The following WDR7 variants were observed in gnomAD, a reference collection of about 807,000 sequenced individuals.
WDR7 encodes WD repeat domain 7, also known as WD repeat-containing protein 7.
In WDR7, 46 loss-of-function variants were observed where a neutral mutation model predicts 169.4. The observed-to-expected ratio is 0.27, with a 90% CI of 0.21 to 0.35. The LOEUF is 0.35. WDR7 is among the 10% of genes least tolerant of loss of function. WDR7 has a pLI of 1.00. For synonymous variants in WDR7, 612 were observed against 666.8 expected (o/e 0.92, Z 1.27); for missense variants, 1,534 against 1,859.3 (o/e 0.83, Z 3.22).
rs779232330 is a variant in WDR7, at chr18:56,756,839, C to T, written c.2246C>T (p.Thr749Met). ...AAVLFQQVKE[T>M]IKENIKEHLL... ...GTTCTCTTCCAACAAGTGAAAGAAACGATCAAAGAGAACATCAAGGAACAC... is the reference window on the plus strand; with the variant it reads ...GTTCTCTTCCAACAAGTGAAAGAAATGATCAAAGAGAACATCAAGGAACAC... Residue 749 changes from threonine to methionine, a missense_variant, in exon 15 of 28, where the codon ACG (threonine) becomes ATG (methionine). Coordinates refer to ENST00000254442, the MANE Select transcript of WDR7 (RefSeq NM_015285.3). The T allele has an allele frequency of 1.9e-6, 3 of 1,613,624 alleles. No individual in the cohort carries two copies. The highest frequency in any genetic ancestry group is 8.5e-7 in the Non-Finnish European group (1 of 1,179,980).
At chr18:56,852,823 A>G (rs1568231545) in intron 20 of WDR7, among the ~76,000 whole-genome samples, 1 of 152,204 alleles carries the variant, frequency 6.6e-6, no homozygotes, top group African/African-American at 2.4e-5. Context: ...AAATATATAC[A>G]TACTTACTGA....
At chr18:56,858,077 C>T (rs2045750186) in intron 20 of WDR7, among the ~76,000 whole-genome samples, 1 of 152,158 alleles carries the variant, frequency 6.6e-6, no homozygotes, top group Admixed American at 6.5e-5. Flanking sequence ...TGCTGAGCTC[C>T]AGGCTTTTAC....
rs192432224 is a variant in WDR7, at chr18:56,933,134, C to G, written c.3714-2654C>G. Among the ~76,000 whole-genome samples the G allele has an allele frequency of 2.4e-3, 363 of 152,274 alleles. 2 individuals carry two copies. Among genetic ancestry groups the G allele is most frequent in the African/African-American group, 8.2e-3 (340 of 41,550 alleles). ...TTGTCCTGCAGAAGCCAGACCCTTT[C>G]TCTTAGCACCTAGGGAGAAGTATAT... On this transcript the variant is annotated intron_variant, in intron 22 of 27. Coordinates refer to ENST00000254442, the MANE Select transcript of WDR7 (RefSeq NM_015285.3).
rs145370571 is a variant in WDR7 at position 56,817,500 on chromosome 18, T to A, written c.3304+1356T>A. ...ACAAAGTGTATATTTAAAATACCTA[T>A]AGCCTTGTGCCACTGCTGCCTAATA... On this transcript the variant is annotated intron_variant, in intron 20 of 27. Transcript: ENST00000254442. Among the ~76,000 whole-genome samples, 688 of 152,282 alleles carry A rather than the reference T, an allele frequency of 4.5e-3. 12 individuals are homozygous for A. The highest frequency in any genetic ancestry group is 0.016 in the African/African-American group (657 of 41,570).
chr18:57,004,152 G>A lies in WDR7; in HGVS notation c.4165-16593G>A, dbSNP rs557432225. ...TCTACCTGAGGTTATGGGTGTAGGAGGAGGTAAATGAATGTCTCCCTGATT... is the reference window on the plus strand; with the variant it reads ...TCTACCTGAGGTTATGGGTGTAGGAAGAGGTAAATGAATGTCTCCCTGATT... On this transcript the variant is annotated intron_variant, in intron 26 of 27. Transcript: ENST00000254442. 2.4e-4 allele frequency among the ~76,000 whole-genome samples: 36 copies of A among 152,118 alleles called. No individual in the cohort carries two copies. The South Asian group carries it at 4.2e-3, about 18-fold the overall frequency.
chr18:56,956,585 G>A lies in WDR7; in HGVS notation c.4065-5845G>A, dbSNP rs564653274. ...AGGTTGAGGTAGTTGGTTGTCACTGGTACCTTCTTGGGGTCAAAGTGACAT... is the reference window on the plus strand; with the variant it reads ...AGGTTGAGGTAGTTGGTTGTCACTGATACCTTCTTGGGGTCAAAGTGACAT... On this transcript the variant is annotated intron_variant, in intron 25 of 27. Coordinates refer to ENST00000254442, the MANE Select transcript of WDR7 (RefSeq NM_015285.3). Among the ~76,000 whole-genome samples the A allele has an allele frequency of 2.6e-5, 4 of 152,054 alleles. No homozygotes were observed. The East Asian group carries it at 7.7e-4, about 29-fold the overall frequency.
At chr18:56,751,805 A>G (rs1372830440) in intron 14 of WDR7, among the ~76,000 whole-genome samples, 1 of 152,232 alleles carries the variant, frequency 6.6e-6, no homozygotes, top group Non-Finnish European at 1.5e-5. Flanking sequence ...GACATTACTC[A>G]TTCAGCATTT....
chr18:56,948,291 C>T (rs1165523009), intron 25 of WDR7, among the ~76,000 whole-genome samples: 1 of 152,066 alleles, frequency 6.6e-6, no homozygotes, highest in East Asian at 1.9e-4. Flanking sequence ...TCCCAGCATT[C>T]CCAGATAGGT....
At chr18:56,685,531 T>A (rs1370039625) in intron 5 of WDR7, among the ~76,000 whole-genome samples, 2 of 151,982 alleles carry the variant, frequency 1.3e-5, no homozygotes, top group East Asian at 3.9e-4. Flanking sequence ...GGGGAGGGTG[T>A]AATGTGCAAT....
intron 5 of WDR7, among the ~76,000 whole-genome samples, chr18:56,684,985 A>G (rs182508072): frequency 6.6e-6 from 1 of 152,180 alleles, no homozygotes; most frequent in Admixed American, 6.5e-5. Flanking sequence ...ACAGATCTGT[A>G]TTTGTGACCA....
chr18:56,653,535 C>A (rs190057221), intron 1 of WDR7, among the ~76,000 whole-genome samples: 1 of 152,124 alleles, frequency 6.6e-6, no homozygotes, highest in Admixed American at 6.5e-5. Flanking sequence ...TTCTAATTCC[C>A]GCTGTTTTCT....
intron 20 of WDR7, among the ~76,000 whole-genome samples, chr18:56,862,439 C>T (rs1017841515): frequency 6.6e-6 from 1 of 151,382 alleles, no homozygotes; most frequent in Non-Finnish European, 1.5e-5. Context: ...TTCAACATAG[C>T]ATACTCACTA....
intron 12 of WDR7, among the ~76,000 whole-genome samples, chr18:56,711,497 A>G (rs775060319): frequency 1.5e-4 from 23 of 152,076 alleles, no homozygotes; most frequent in Non-Finnish European, 3.1e-4. Flanking sequence ...TTAATAAGGA[A>G]GCAGTTGAAG....
At chr18:57,031,366 A>T (rs2048440596), downstream of WDR7, 1 of 152,210 alleles carries the variant, frequency 6.6e-6, no homozygotes, top group Non-Finnish European at 1.5e-5. Flanking sequence ...GATGGTAAAC[A>T]ATTCATTCTT....
intron 14 of WDR7, among the ~76,000 whole-genome samples, chr18:56,732,687 A>G (rs1036538667): frequency 1.3e-5 from 2 of 152,202 alleles, no homozygotes; most frequent in South Asian, 2.1e-4. Flanking sequence ...CTGTGAAATC[A>G]TTCTACATTT....
At chr18:56,966,801 A>T (rs2047415711) in intron 26 of WDR7, among the ~76,000 whole-genome samples, 1 of 152,106 alleles carries the variant, frequency 6.6e-6, no homozygotes, top group East Asian at 1.9e-4. Context: ...AAGATATTGG[A>T]GGTATGGTCA....
intron 26 of WDR7, among the ~76,000 whole-genome samples, chr18:57,015,365 A>G (rs2048192201): frequency 6.6e-6 from 1 of 152,234 alleles, no homozygotes; most frequent in African/African-American, 2.4e-5. Flanking sequence ...TTGAATCTAT[A>G]ATTTGTTTCC....
chr18:57,033,692 C>G (rs1156472369), downstream of WDR7: 1 of 152,052 alleles, frequency 6.6e-6, no homozygotes, highest in Non-Finnish European at 1.5e-5. Flanking sequence ...TCCTCCCACC[C>G]CCACCCAAAT....
intron 14 of WDR7, among the ~76,000 whole-genome samples, chr18:56,754,265 G>GTGTGTGTGTGTGTATA (rs2043840937): frequency 6.7e-6 from 1 of 148,866 alleles, no homozygotes; most frequent in Non-Finnish European, 1.5e-5. Flanking sequence ...GTGTGTGTGT[G>GTGTGTGTGTGTGTATA]TGTGTGTGTG....
Sources: gnomAD v4.1 joint callset for allele counts (sites outside exome capture counted in the v4.1 genomes callset) on GRCh38, gnomAD v4.1.1 for gene constraint, MANE v1.5 for transcripts, NCBI Gene and HGNC (gene_info 2026-07-23, HGNC 2026-07-21) for gene names.